Variants in NUDT2 observed in about 807,000 individuals in gnomAD.
The protein encoded by NUDT2 is bis(5'-nucleosyl)-tetraphosphatase [asymmetrical].
Under a neutral mutation model 14.2 loss-of-function variants are expected in NUDT2, and 12 were observed. The ratio of observed to expected loss-of-function variants is 0.84; its 90% CI spans 0.54 to 1.37. The LOEUF (loss-of-function observed/expected upper bound fraction) is 1.37. Ranked by LOEUF, NUDT2 falls within the 40% of genes most tolerant of loss-of-function variation. The pLI is 0.00. For missense variants in NUDT2, 167 were observed against 176.7 expected (o/e 0.95, Z 0.31); for synonymous variants, 67 against 67.4 (o/e 0.99, Z 0.03).
chr9:34,338,991 A>T (rs1250868569), intron 3 of NUDT2, 33 bp from the exon 4 acceptor site: 2 of 1,577,060 alleles, frequency 1.3e-6, no homozygotes, highest in Non-Finnish European at 1.7e-6. Flanking sequence ...TATTTTGTGT[A>T]ACTTCCCAAT....
chr9:34,336,603 G>A (rs565939850), intron 2 of NUDT2, among the ~76,000 whole-genome samples: 23 of 151,792 alleles, frequency 1.5e-4, no homozygotes, highest in African/African-American at 4.6e-4. Context: ...GTGCATTGGT[G>A]CAAACATGGC....
intron 4 of NUDT2, among the ~76,000 whole-genome samples, chr9:34,340,982 C>T (rs1045995854): frequency 1.3e-5 from 2 of 151,850 alleles, no homozygotes; most frequent in African/African-American, 2.4e-5. Context: ...TGGCCAGAAG[C>T]GGGGACTTTA....
intron 4 of NUDT2, among the ~76,000 whole-genome samples, chr9:34,339,635 G>A (rs150611712): frequency 1.3e-5 from 2 of 152,224 alleles, no homozygotes; most frequent in East Asian, 3.9e-4. Flanking sequence ...TTGAGCCCAG[G>A]AGCTCGAGAC....
intron 2 of NUDT2, among the ~76,000 whole-genome samples, chr9:34,336,841 G>A (rs1838100891): frequency 6.6e-6 from 1 of 151,970 alleles, no homozygotes; most frequent in African/African-American, 2.4e-5. Flanking sequence ...ACTGAACCCA[G>A]CCTCGACCTC....
At chr9:34,339,342 C>T (rs1409423524) in intron 4 of NUDT2, among the ~76,000 whole-genome samples, 176 bp downstream of exon 4, 3 of 152,186 alleles carry the variant, frequency 2.0e-5, no homozygotes. Flanking sequence ...CAGAGTAGAG[C>T]TGAGAATTCT....
At chr9:34,329,992 TTA>T (rs1242892384) in intron 1 of NUDT2, among the ~76,000 whole-genome samples, 2 of 152,266 alleles carry the variant, frequency 1.3e-5, no homozygotes, top group Admixed American at 6.5e-5. Flanking sequence ...AAAAGAGATT[TTA>T]TGTTTTCTAA....
intron 1 of NUDT2, among the ~76,000 whole-genome samples, chr9:34,334,752 G>C (rs1465942023): frequency 1.3e-5 from 2 of 152,212 alleles, no homozygotes; most frequent in African/African-American, 2.4e-5. Context: ...TTCCCTGCCA[G>C]AGGTACCAGC....
intron 4 of NUDT2, among the ~76,000 whole-genome samples, chr9:34,342,346 T>C (rs1474824482): frequency 6.6e-6 from 1 of 152,166 alleles, no homozygotes; most frequent in Non-Finnish European, 1.5e-5. Flanking sequence ...CTGCAGACAA[T>C]GTTAAGTCCT....
intron 1 of NUDT2, among the ~76,000 whole-genome samples, chr9:34,335,326 C>G (rs556221637): frequency 6.6e-6 from 1 of 152,220 alleles, no homozygotes; most frequent in South Asian, 2.1e-4. Context: ...TCACAGACTT[C>G]GGGCCCAACA....
chr9:34,332,041 A>T, intron 1 of NUDT2, among the ~76,000 whole-genome samples: 1 of 152,174 alleles, frequency 6.6e-6, no homozygotes, highest in Non-Finnish European at 1.5e-5. Flanking sequence ...GTTGCAATAG[A>T]CTTGTAACTG....
At position 34,343,241 on chromosome 9, in the gene NUDT2, A is replaced by G; in HGVS notation, c.245A>G (p.Tyr82Cys). ...GAGGGGTTCAAAAGGGAACTCAATT[A>G]TGTGGCCAGGAACAAGCCTAAAACA... is the stretch of plus-strand genomic sequence containing the variant. ...IIEGFKRELN[Y>C]VARNKPKTVI... Residue 82 changes from tyrosine (Y) to cysteine (C), a missense_variant, in exon 5 of 5, where the codon TAT becomes TGT. Transcript: ENST00000379158. The G allele has an allele frequency of 6.2e-7, 1 of 1,614,066 alleles. No homozygotes were observed. The highest frequency in any genetic ancestry group is 8.5e-7 in the Non-Finnish European group (1 of 1,180,008).
At chr9:34,330,765 TC>T (rs1251428285) in intron 1 of NUDT2, among the ~76,000 whole-genome samples, 2 of 152,062 alleles carry the variant, frequency 1.3e-5, no homozygotes, top group African/African-American at 4.8e-5. Flanking sequence ...ATCGAGACCA[TC>T]CTGGCTGACA....
Position 34,339,015 on chromosome 9 carries a change from T to A in NUDT2, c.-16-9T>A, listed in dbSNP as rs1838168668. On this transcript the variant is annotated splice_polypyrimidine_tract_variant and intron_variant, in intron 3 of 4. Transcript: ENST00000379158. ...TAACTTCCCAATATTCTGTATCTTCTTTGTTAAGTCCTTAGGATAAGACCA... is the reference window on the plus strand; with the variant it reads ...TAACTTCCCAATATTCTGTATCTTCATTGTTAAGTCCTTAGGATAAGACCA... 6.3e-7 allele frequency: 1 copy of A among 1,598,652 alleles called. No homozygotes were observed. The highest frequency in any genetic ancestry group is 1.3e-5 in the African/African-American group (1 of 74,716).
chr9:34,342,790 G>A (rs564223801), intron 4 of NUDT2, among the ~76,000 whole-genome samples: 42 of 152,118 alleles, frequency 2.8e-4, no homozygotes, highest in Non-Finnish European at 3.8e-4. Context: ...GCTGAGGCAG[G>A]AGGATGACTT....
Position 34,339,129 on chromosome 9 carries a change from G to A in NUDT2, c.90G>A (p.Gln30=). 1.2e-6 allele frequency: 2 copies of A among 1,614,088 alleles called. No homozygotes were observed. Among genetic ancestry groups the A allele is most frequent in the Non-Finnish European group, 1.7e-6 (2 of 1,179,960 alleles). ...DNNAIEFLLL[Q]ASDGIHHWTP... ...ATGCAATTGAGTTTTTACTGCTGCA[G>A]GCATCAGATGGCATTCATCACTGGA... The change falls in exon 4 of 5, where the codon CAG becomes CAA. Residue 30 remains glutamine, a synonymous_variant. Coordinates refer to ENST00000379158, the MANE Select transcript of NUDT2 (RefSeq NM_001161.5).
At chr9:34,338,966 C>T (rs1002101133) in intron 3 of NUDT2, 58 bp from the exon 4 acceptor site, 3 of 1,460,180 alleles carry the variant, frequency 2.1e-6, no homozygotes, top group East Asian at 4.6e-5. Context: ...TGCTACCCCC[C>T]AGTATGGAGC....
rs2131863665 is a variant in NUDT2, at chr9:34,343,364, G to T, written c.368G>T (p.Cys123Phe). 1 of 1,614,086 alleles carries T rather than the reference G, an allele frequency of 6.2e-7. No individual in the cohort carries two copies. Among genetic ancestry groups the T allele is most frequent in the Non-Finnish European group, 8.5e-7 (1 of 1,179,988 alleles). Residue 123 changes from cysteine (C) to phenylalanine (F), a missense_variant, in exon 5 of 5, where the codon TGC becomes TTC. Coordinates refer to ENST00000379158, the MANE Select transcript of NUDT2 (RefSeq NM_001161.5). ...CGCTGGCTGGGGCTGGAGGAGGCCT[G>T]CCAGTTGGCTCAGTTCAAGGAGATG... ...AYRWLGLEEA[C>F]QLAQFKEMKA...
At position 34,339,134 on chromosome 9, in the gene NUDT2, C is replaced by A; in HGVS notation, c.95C>A (p.Ser32Ter). ...ATTGAGTTTTTACTGCTGCAGGCATCAGATGGCATTCATCACTGGACTCCT... is the reference window on the plus strand; with the variant it reads ...ATTGAGTTTTTACTGCTGCAGGCATAAGATGGCATTCATCACTGGACTCCT... ...NAIEFLLLQA[S>*]DGIHHWTPPK... The change falls in exon 4 of 5, where the codon TCA becomes TAA. Residue 32 changes from serine to a stop codon, truncating the protein, a stop_gained. Coordinates refer to ENST00000379158, the MANE Select transcript of NUDT2 (RefSeq NM_001161.5). LOFTEE classifies it high-confidence loss of function. The A allele has an allele frequency of 6.2e-7, 1 of 1,614,080 alleles. No individual in the cohort carries two copies. The highest frequency in any genetic ancestry group is 2.2e-5 in the East Asian group (1 of 44,884).
At chr9:34,340,908 G>T (rs1820168212) in intron 4 of NUDT2, among the ~76,000 whole-genome samples, 1 of 152,032 alleles carries the variant, frequency 6.6e-6, no homozygotes. Context: ...GAACTCCTGG[G>T]CTCAAGTGAT....
Sources: allele counts gnomAD v4.1 joint callset (sites outside exome capture counted in the v4.1 genomes callset), GRCh38; gene constraint gnomAD v4.1.1; transcripts MANE v1.5; gene names NCBI Gene and HGNC (gene_info 2026-07-23, HGNC 2026-07-21).